Variants in VAC14 observed in about 807,000 individuals in gnomAD.
VAC14 encodes the protein VAC14 component of PIKFYVE complex.
VAC14 carries 47 observed loss-of-function variants against 85.3 expected under a neutral mutation model. The ratio of observed to expected loss-of-function variants is 0.55; its 90% CI spans 0.44 to 0.70. The LOEUF is 0.70. Among genes scored for constraint, VAC14 ranks in the 30% least tolerant of loss-of-function variants. The pLI is 0.00. For synonymous variants in VAC14, 447 were observed against 430.5 expected, an observed-to-expected ratio of 1.04 and a Z score of -0.47; for missense variants, 861 against 1,004.3, an observed-to-expected ratio of 0.86 and a Z score of 1.93.
intron 12 of VAC14, among the ~76,000 whole-genome samples, chr16:70,751,635 C>A (rs373107718): frequency 1.3e-5 from 2 of 152,360 alleles, no homozygotes; most frequent in South Asian, 4.1e-4. Context: ...TATGGAATGG[C>A]TCTTGTTGCC....
intron 13 of VAC14, among the ~76,000 whole-genome samples, chr16:70,736,852 T>C (rs918527045): frequency 6.6e-6 from 1 of 151,602 alleles, no homozygotes; most frequent in Non-Finnish European, 1.5e-5. Context: ...AGCAGGGCAG[T>C]CTTTTCCCAG....
chr16:70,782,458 G>A (rs113754130), intron 7 of VAC14, among the ~76,000 whole-genome samples: 1 of 152,340 alleles, frequency 6.6e-6, no homozygotes, highest in Non-Finnish European at 1.5e-5. Context: ...GCTGGACGAT[G>A]AGACATGTGG....
intron 14 of VAC14, among the ~76,000 whole-genome samples, chr16:70,730,854 G>A (rs2054570488): frequency 6.6e-6 from 1 of 152,022 alleles, no homozygotes; most frequent in South Asian, 2.1e-4. Flanking sequence ...AGGGCCATAC[G>A]GACTACTCTA....
intron 13 of VAC14, among the ~76,000 whole-genome samples, chr16:70,740,304 CAA>C (rs1336164185): frequency 3.3e-5 from 5 of 152,214 alleles, no homozygotes; most frequent in African/African-American, 9.7e-5. Flanking sequence ...CCGTGGCAGG[CAA>C]AGTCAGGGAA....
At chr16:70,764,951 A>G (rs1219919935) in intron 10 of VAC14, among the ~76,000 whole-genome samples, 1 of 152,084 alleles carries the variant, frequency 6.6e-6, no homozygotes, top group African/African-American at 2.4e-5. Flanking sequence ...CGTCCTGCAG[A>G]GCTCCTTCCC....
At chr16:70,775,057 A>C (rs1356348804) in intron 9 of VAC14, among the ~76,000 whole-genome samples, 1 of 152,050 alleles carries the variant, frequency 6.6e-6, no homozygotes, top group Non-Finnish European at 1.5e-5. Flanking sequence ...CAGCGTATTG[A>C]CTGAAGTTTT....
Position 70,698,617 on chromosome 16 carries a change from G to C in VAC14, c.1836+20C>G, listed in dbSNP as rs1336149062. The C allele has an allele frequency of 6.2e-7, 1 of 1,612,882 alleles. No individual in the cohort carries two copies. Among genetic ancestry groups the C allele is most frequent in the African/African-American group, 1.3e-5 (1 of 74,914 alleles). Reference sequence around the variant, plus strand: ...GGCATGCAGGAGACGCCTGAGGATGGAGTCCCGGACGCAGCCTACCAGGGT... The same window carrying C: ...GGCATGCAGGAGACGCCTGAGGATGCAGTCCCGGACGCAGCCTACCAGGGT... On this transcript the variant is annotated intron_variant, in intron 15 of 18. Transcript: ENST00000261776.
chr16:70,795,980 A>G (rs1180120532), intron 1 of VAC14, among the ~76,000 whole-genome samples: 13 of 152,106 alleles, frequency 8.5e-5, no homozygotes, highest in Non-Finnish European at 1.0e-4. Context: ...TCTCCCCCAC[A>G]TTAGACTCTT....
chr16:70,780,980 C>T, intron 8 of VAC14, 41 bp from the exon 9 acceptor site: 1 of 1,610,808 alleles, frequency 6.2e-7, no homozygotes, highest in Non-Finnish European at 8.5e-7. Context: ...GATTTGGATG[C>T]CTGTCTCTCT....
intron 18 of VAC14, 75 bp downstream of exon 18, chr16:70,692,746 G>A: frequency 6.5e-7 from 1 of 1,538,362 alleles, no homozygotes; most frequent in Non-Finnish European, 8.7e-7. Context: ...CCCTGGCAAG[G>A]CCCTTCCTCA....
chr16:70,737,017 C>T (rs1347794393), intron 13 of VAC14, among the ~76,000 whole-genome samples: 1 of 152,206 alleles, frequency 6.6e-6, no homozygotes, highest in African/African-American at 2.4e-5. Context: ...CTCTGTTGAT[C>T]TGAGCTGCCC....
chr16:70,744,531 C>T lies in VAC14; in HGVS notation c.1420G>A (p.Ala474Thr), dbSNP rs770285832. ...GGGCCTGGGTCATCCGTCTGGCCTG[C>T]GGGGGAGGAAGCGATTTCTGCCAGC... ...EVLAEIASSP[A>T]GQTDDPGPLD... The change falls in exon 13 of 19, where the codon GCA becomes ACA. Residue 474 changes from alanine (A) to threonine (T), a missense_variant. Ala to Thr is a moderately conservative substitution (Grantham distance 58). Around this residue, in one of 3 missense-constraint regions of VAC14, gnomAD observed 629 missense variants for 703.1 expected, o/e 0.89. Transcript: ENST00000261776. 100 of 1,610,886 alleles carry T rather than the reference C, an allele frequency of 6.2e-5. No homozygotes were observed. Among genetic ancestry groups the T allele is most frequent in the Middle Eastern group, 1.7e-4 (1 of 6,014 alleles).
rs544032586 is a variant in VAC14, at chr16:70,708,809, G to A, written c.1662-9998C>T. On this transcript the variant is annotated intron_variant, in intron 14 of 18. Coordinates refer to ENST00000261776, the MANE Select transcript of VAC14 (RefSeq NM_018052.5). Reference sequence around the variant, plus strand: ...CCGGGGTGAGGAGACAGCTGGGTGCGGGGAGGAGGGGCAAGAGTGCGGCCG... The same window carrying A: ...CCGGGGTGAGGAGACAGCTGGGTGCAGGGAGGAGGGGCAAGAGTGCGGCCG... Among the ~76,000 whole-genome samples the A allele has an allele frequency of 3.9e-5, 6 of 152,344 alleles. No individual in the cohort carries two copies. In the East Asian group the frequency reaches 7.7e-4, roughly 20 times the overall value.
intron 18 of VAC14, chr16:70,692,130 C>T (rs1336784885): frequency 2.0e-6 from 2 of 976,056 alleles, no homozygotes; most frequent in East Asian, 1.1e-4. Context: ...AATATAGATG[C>T]AGCCCTACAG....
intron 1 of VAC14, among the ~76,000 whole-genome samples, chr16:70,793,698 G>C (rs890089065): frequency 5.9e-5 from 9 of 152,198 alleles, no homozygotes; most frequent in Non-Finnish European, 1.0e-4. Flanking sequence ...TGTTCAGAGG[G>C]AACATCCTCA....
rs1379224982 is a variant in VAC14 at position 70,772,186 on chromosome 16, A to T, written c.1097-14T>A. 1 of 1,613,466 alleles carries T rather than the reference A, an allele frequency of 6.2e-7. No individual in the cohort carries two copies. Among genetic ancestry groups the T allele is most frequent in the South Asian group, 1.1e-5 (1 of 91,068 alleles). On this transcript the variant is annotated splice_polypyrimidine_tract_variant and intron_variant, in intron 9 of 18. Coordinates refer to ENST00000261776, the MANE Select transcript of VAC14 (RefSeq NM_018052.5). ...CATCTGGACCTCCTGGGAGAGGAAG[A>T]GGAACAAGGGGTCATGAAAGGCTGT...
chr16:70,703,293 G>A (rs1212606384), intron 14 of VAC14, among the ~76,000 whole-genome samples: 2 of 152,258 alleles, frequency 1.3e-5, no homozygotes, highest in African/African-American at 2.4e-5. Context: ...TGAGACAATG[G>A]CCTGGAATGT....
Position 70,762,845 on chromosome 16 carries a change from G to C in VAC14, c.1305+36C>G, listed in dbSNP as rs1430791175. On this transcript the variant is annotated intron_variant, in intron 11 of 18. Coordinates refer to ENST00000261776, the MANE Select transcript of VAC14 (RefSeq NM_018052.5). This position sits in a 1 kb window ranked among gnomAD's most constrained non-coding sequence, Gnocchi z 4.1. Reference sequence around the variant, plus strand: ...GCCCTGGAAAACCAAGGCGGACCCAGAAGAGGCCCCTGGCTTGGAGGGGCC... The same window carrying C: ...GCCCTGGAAAACCAAGGCGGACCCACAAGAGGCCCCTGGCTTGGAGGGGCC... The C allele has an allele frequency of 6.2e-7, 1 of 1,613,606 alleles. No homozygotes were observed. The highest frequency in any genetic ancestry group is 2.2e-5 in the East Asian group (1 of 44,882).
chr16:70,693,497 G>A (rs909180679), intron 17 of VAC14, among the ~76,000 whole-genome samples: 1 of 152,214 alleles, frequency 6.6e-6, no homozygotes, highest in Non-Finnish European at 1.5e-5. Flanking sequence ...TGTGTGTAGC[G>A]AGACACACAC....
Sources: allele counts gnomAD v4.1 joint callset (sites outside exome capture counted in the v4.1 genomes callset), GRCh38; gene constraint gnomAD v4.1.1; regional missense constraint gnomAD v4.1.1; non-coding constraint Gnocchi (gnomAD v3.1); transcripts MANE v1.5; gene names NCBI Gene and HGNC (gene_info 2026-07-23, HGNC 2026-07-21).